Variants in DLG2 observed in about 807,000 individuals in gnomAD.
The protein encoded by DLG2 is disks large homolog 2.
DLG2 carries 45 observed loss-of-function variants against 132.5 expected under a neutral mutation model. The observed-to-expected ratio is 0.34, with a 90% confidence interval of 0.27 to 0.44. The LOEUF (loss-of-function observed/expected upper bound fraction) is 0.44. Among genes scored for constraint, DLG2 ranks in the 20% least tolerant of loss-of-function variants. DLG2 has a pLI of 1.00. For synonymous variants in DLG2, 424 were observed against 419.6 expected, an observed-to-expected ratio of 1.01 and a Z score of -0.13; for missense variants, 1,045 against 1,196.9, an observed-to-expected ratio of 0.87 and a Z score of 1.87.
At chr11:84,872,442 A>C (rs1413681405) in intron 6 of DLG2, among the ~76,000 whole-genome samples, 1 of 152,210 alleles carries the variant, frequency 6.6e-6, no homozygotes, top group Non-Finnish European at 1.5e-5. Flanking sequence ...CTTGCCCTTG[A>C]GGATCTTAAG....
chr11:84,860,956 A>C (rs578043005), intron 6 of DLG2, among the ~76,000 whole-genome samples: 1 of 152,270 alleles, frequency 6.6e-6, no homozygotes, highest in Admixed American at 6.5e-5. Context: ...TTTTTTATCC[A>C]GTAAATATTT....
chr11:84,643,420 G>C (rs1222544140), intron 6 of DLG2, among the ~76,000 whole-genome samples: 2 of 152,146 alleles, frequency 1.3e-5, no homozygotes, highest in Non-Finnish European at 2.9e-5. Flanking sequence ...TGATGACCCA[G>C]CTCTTTATTT....
At chr11:85,495,089 G>C (rs1339519881) in intron 3 of DLG2, among the ~76,000 whole-genome samples, 4 of 152,032 alleles carry the variant, frequency 2.6e-5, no homozygotes, top group African/African-American at 9.7e-5. Context: ...AACATATAAA[G>C]AGATTATTAA....
At chr11:85,404,071 C>A (rs997812575) in intron 3 of DLG2, among the ~76,000 whole-genome samples, 4 of 151,930 alleles carry the variant, frequency 2.6e-5, no homozygotes, top group African/African-American at 9.7e-5. Flanking sequence ...ACTTAACAAG[C>A]TTGAATCATT....
intron 6 of DLG2, among the ~76,000 whole-genome samples, chr11:84,945,491 G>A (rs1253130870): frequency 1.3e-5 from 2 of 152,198 alleles, no homozygotes; most frequent in African/African-American, 2.4e-5. Flanking sequence ...CCACCACTGG[G>A]ACTGTGCTGG....
chr11:84,209,617 T>TAA (rs71036408), intron 8 of DLG2, among the ~76,000 whole-genome samples: 65 of 149,448 alleles, frequency 4.3e-4, no homozygotes, highest in South Asian at 1.1e-3. Context: ...TGTTCCAAAA[T>TAA]AAAAAAAAAA....
chr11:85,142,926 C>A (rs1169710308), intron 5 of DLG2, among the ~76,000 whole-genome samples: 1 of 151,600 alleles, frequency 6.6e-6, no homozygotes, highest in Non-Finnish European at 1.5e-5. Context: ...ATGAATAATC[C>A]TTTTAATTTG....
At chr11:84,718,513 GT>G (rs1243785279) in intron 6 of DLG2, among the ~76,000 whole-genome samples, 1 of 152,120 alleles carries the variant, frequency 6.6e-6, no homozygotes, top group Non-Finnish European at 1.5e-5. Flanking sequence ...AAAGAAACTT[GT>G]TTGTAAATGA....
chr11:83,996,639 A>G (rs1048782491), intron 11 of DLG2, among the ~76,000 whole-genome samples: 3 of 152,218 alleles, frequency 2.0e-5, no homozygotes, highest in Admixed American at 6.5e-5. Flanking sequence ...TTCAGCCACA[A>G]AAAGAATGAG....
intron 2 of DLG2, among the ~76,000 whole-genome samples, chr11:85,608,661 C>T (rs2080765231): frequency 6.6e-6 from 1 of 152,096 alleles, no homozygotes; most frequent in African/African-American, 2.4e-5. Context: ...CACAAAACCC[C>T]CCAGGCTGTC....
At chr11:84,282,421 G>A (rs2097862345) in intron 7 of DLG2, among the ~76,000 whole-genome samples, 1 of 152,236 alleles carries the variant, frequency 6.6e-6, no homozygotes, top group African/African-American at 2.4e-5. Flanking sequence ...ATTACAAAAA[G>A]GCATGAAGAA....
intron 19 of DLG2, among the ~76,000 whole-genome samples, chr11:83,590,279 TAACA>T (rs1448787838): frequency 9.9e-5 from 15 of 152,074 alleles, no homozygotes; most frequent in African/African-American, 3.6e-4. Flanking sequence ...ACAGAAATTA[TAACA>T]AACAGTCTCT....
intron 17 of DLG2, among the ~76,000 whole-genome samples, chr11:83,805,126 T>C (rs2045567240): frequency 6.6e-6 from 1 of 152,118 alleles, no homozygotes; most frequent in Non-Finnish European, 1.5e-5. Flanking sequence ...GATCTCTTCA[T>C]TTAAAAGGCA....
chr11:85,500,937 C>T (rs188968068), intron 3 of DLG2, among the ~76,000 whole-genome samples: 1 of 152,064 alleles, frequency 6.6e-6, no homozygotes, highest in Non-Finnish European at 1.5e-5. Context: ...TCATATGCAA[C>T]CATAAAAGAG....
At chr11:84,275,909 G>T (rs1264716309) in intron 7 of DLG2, among the ~76,000 whole-genome samples, 1 of 152,142 alleles carries the variant, frequency 6.6e-6, no homozygotes, top group East Asian at 1.9e-4. Flanking sequence ...TGTTAGGGTA[G>T]TATTTAGTTA....
intron 10 of DLG2, among the ~76,000 whole-genome samples, chr11:84,074,189 GA>G (rs2096793234): frequency 6.6e-6 from 1 of 152,098 alleles, no homozygotes; most frequent in Non-Finnish European, 1.5e-5. Flanking sequence ...TATGACAGAA[GA>G]AATCTTGCCT....
chr11:84,097,605 T>C (rs538495423), intron 10 of DLG2, among the ~76,000 whole-genome samples: 1 of 152,292 alleles, frequency 6.6e-6, no homozygotes, highest in South Asian at 2.1e-4. Context: ...CATTAACAAG[T>C]GTCATAAATA....
At chr11:84,506,843 A>G (rs1488642455) in intron 7 of DLG2, among the ~76,000 whole-genome samples, 6 of 152,208 alleles carry the variant, frequency 3.9e-5, no homozygotes, top group Non-Finnish European at 5.9e-5. Flanking sequence ...AGAAGAGATG[A>G]TAAGTCAGCA....
In DLG2 at chr11:83,633,257, C is replaced by T. The variant is rs754475963; in HGVS notation, c.1894G>A (p.Gly632Arg). The T allele has an allele frequency of 6.8e-6, 11 of 1,613,540 alleles. No individual in the cohort carries two copies. The highest frequency in any genetic ancestry group is 6.7e-5 in the East Asian group (3 of 44,858). Residue 632 changes from glycine to arginine, a missense_variant, in exon 19 of 28, where the codon GGG (glycine) becomes AGG (arginine). This residue lies in a region of DLG2 where 398 missense variants were observed against 543.6 expected (regional missense o/e 0.73). Coordinates refer to ENST00000376104, the MANE Select transcript of DLG2 (RefSeq NM_001142699.3). Reference sequence around the variant, plus strand: ...TGATTGGTTCGCAGGGATCCGGACCCGGAGCTCATGCTGTGGTTCATCATC... The same window carrying T: ...TGATTGGTTCGCAGGGATCCGGACCTGGAGCTCATGCTGTGGTTCATCATC... ...EQMMNHSMSS[G>R]SGSLRTNQKR...
Sources: allele counts gnomAD v4.1 joint callset (sites outside exome capture counted in the v4.1 genomes callset), GRCh38; gene constraint gnomAD v4.1.1; regional missense constraint gnomAD v4.1.1; transcripts MANE v1.5; gene names NCBI Gene and HGNC (gene_info 2026-07-23, HGNC 2026-07-21).